CYSLTR2: variants seen among roughly 807,000 people sequenced by gnomAD.
The protein encoded by CYSLTR2 is G-protein coupled receptor GPCR21.
For synonymous variants in CYSLTR2, 179 were observed against 160.8 expected (o/e 1.11, Z -0.86); for missense variants, 398 against 411.9 (o/e 0.97, Z 0.29).
chr13:48,698,421 A>G (rs749551992), intron 4 of CYSLTR2, among the ~76,000 whole-genome samples: 2 of 152,292 alleles, frequency 1.3e-5, no homozygotes, highest in Non-Finnish European at 2.9e-5. Flanking sequence ...CAGCCAAACT[A>G]AGCTTCATAA....
chr13:48,696,272 C>A (rs889016931), intron 3 of CYSLTR2, among the ~76,000 whole-genome samples: 1 of 152,138 alleles, frequency 6.6e-6, no homozygotes, highest in African/African-American at 2.4e-5. Flanking sequence ...TGTTGATATT[C>A]AAGAGTTCTT....
chr13:48,685,965 G>A (rs905454011), intron 1 of CYSLTR2, among the ~76,000 whole-genome samples: 1 of 152,174 alleles, frequency 6.6e-6, no homozygotes, highest in Non-Finnish European at 1.5e-5. Flanking sequence ...TCCAAGAGGG[G>A]CGTATTAGAG....
intron 4 of CYSLTR2, 136 bp downstream of exon 4, chr13:48,696,762 TAC>T (rs1439670652): frequency 2.0e-5 from 3 of 152,182 alleles, no homozygotes; most frequent in Admixed American, 1.3e-4. Flanking sequence ...TGACAGATGG[TAC>T]CTGGAAAATT....
chr13:48,664,801 A>C (rs1452504127), intron 1 of CYSLTR2, among the ~76,000 whole-genome samples: 1 of 151,422 alleles, frequency 6.6e-6, no homozygotes. Context: ...GTATTTTTTT[A>C]AGTATCAATT....
chr13:48,674,763 G>A (rs1408045706), intron 1 of CYSLTR2, among the ~76,000 whole-genome samples: 1 of 152,194 alleles, frequency 6.6e-6, no homozygotes, highest in Non-Finnish European at 1.5e-5. Flanking sequence ...ATGGATTTAT[G>A]TACCTTTGGT....
intron 1 of CYSLTR2, among the ~76,000 whole-genome samples, chr13:48,658,686 T>C (rs1311683137): frequency 6.6e-6 from 1 of 152,078 alleles, no homozygotes; most frequent in Non-Finnish European, 1.5e-5. Context: ...TGAGACTGGG[T>C]AAGCAATAGC....
chr13:48,705,465 ATC>A (rs1954456131), intron 4 of CYSLTR2, among the ~76,000 whole-genome samples: 1 of 151,342 alleles, frequency 6.6e-6, no homozygotes. Context: ...TGTTTTTATT[ATC>A]TGTTTTCTTT....
chr13:48,666,395 A>C (rs1953262609), intron 1 of CYSLTR2, among the ~76,000 whole-genome samples: 1 of 152,032 alleles, frequency 6.6e-6, no homozygotes, highest in East Asian at 1.9e-4. Context: ...TTTTGCATTG[A>C]ATCTATTTGG....
At chr13:48,673,281 G>A (rs553973645) in intron 1 of CYSLTR2, among the ~76,000 whole-genome samples, 5 of 152,146 alleles carry the variant, frequency 3.3e-5, no homozygotes, top group East Asian at 1.9e-4. Context: ...TTATGAATCC[G>A]GGTGCTCCTG....
chr13:48,678,435 C>G (rs988606641), intron 1 of CYSLTR2, among the ~76,000 whole-genome samples: 1 of 152,128 alleles, frequency 6.6e-6, no homozygotes, highest in Non-Finnish European at 1.5e-5. Flanking sequence ...TCTCAATCAT[C>G]ATTCCAGCCT....
intron 1 of CYSLTR2, among the ~76,000 whole-genome samples, chr13:48,690,763 C>A (rs558582723): frequency 2.8e-4 from 43 of 152,188 alleles, no homozygotes; most frequent in African/African-American, 9.6e-4. Context: ...ATGATACTGG[C>A]CTCATAAAAT....
At chr13:48,699,288 C>A (rs961523455) in intron 4 of CYSLTR2, among the ~76,000 whole-genome samples, 16 of 152,180 alleles carry the variant, frequency 1.1e-4, no homozygotes, top group African/African-American at 3.9e-4. Flanking sequence ...CACTCCTCAG[C>A]AAATATAAAA....
intron 4 of CYSLTR2, among the ~76,000 whole-genome samples, chr13:48,704,790 C>T (rs1954439885): frequency 6.6e-6 from 1 of 152,056 alleles, no homozygotes; most frequent in Admixed American, 6.5e-5. Flanking sequence ...GTTTGATTCC[C>T]TTGTAGTTAG....
At chr13:48,657,194 T>C (rs934165697) in intron 1 of CYSLTR2, among the ~76,000 whole-genome samples, 11 of 152,234 alleles carry the variant, frequency 7.2e-5, no homozygotes, top group Non-Finnish European at 1.3e-4. Flanking sequence ...AATTGACCCA[T>C]GGAGAAAATA....
At chr13:48,680,988 T>C (rs1953740277) in intron 1 of CYSLTR2, among the ~76,000 whole-genome samples, 1 of 152,006 alleles carries the variant, frequency 6.6e-6, no homozygotes, top group Admixed American at 6.6e-5. Context: ...CTATATGAGG[T>C]TTCTAGGAAG....
intron 4 of CYSLTR2, among the ~76,000 whole-genome samples, chr13:48,697,087 G>A (rs1043310890): frequency 6.6e-6 from 1 of 152,134 alleles, no homozygotes; most frequent in Non-Finnish European, 1.5e-5. Context: ...CTGGGGGCAG[G>A]GCATAGCTGA....
At chr13:48,706,667 G>C in intron 4 of CYSLTR2, 150 bp from the exon 5 acceptor site, 1 of 624,750 alleles carries the variant, frequency 1.6e-6, no homozygotes, top group Non-Finnish European at 2.8e-6. Context: ...ATGTAGTAAA[G>C]ACTTAACCAG....
intron 1 of CYSLTR2, among the ~76,000 whole-genome samples, chr13:48,682,742 G>A (rs539380331): frequency 6.6e-6 from 1 of 152,100 alleles, no homozygotes; most frequent in Non-Finnish European, 1.5e-5. Flanking sequence ...ACCTTTTATT[G>A]TAGATTCAGG....
At chr13:48,705,600 A>C (rs909216906) in intron 4 of CYSLTR2, among the ~76,000 whole-genome samples, 3 of 148,674 alleles carry the variant, frequency 2.0e-5, no homozygotes, top group African/African-American at 4.9e-5. Flanking sequence ...TTCTCTCTAT[A>C]TATATAATAT....
Sources: allele counts gnomAD v4.1 joint callset (sites outside exome capture counted in the v4.1 genomes callset), GRCh38; gene constraint gnomAD v4.1.1; transcripts MANE v1.5; gene names NCBI Gene and HGNC (gene_info 2026-07-23, HGNC 2026-07-21).